The following CNBD1 variants were observed in gnomAD, a reference collection of about 807,000 sequenced individuals.
CNBD1 encodes the protein cyclic nucleotide-binding domain-containing protein 1.
CNBD1 carries 71 observed loss-of-function variants against 54.4 expected under a neutral mutation model. The observed-to-expected ratio is 1.30, with a 90% CI of 1.08 to 1.59. CNBD1 has a LOEUF of 1.59. CNBD1 is among the 40% of genes most tolerant of loss of function. CNBD1 has a pLI of 0.00. For synonymous variants in CNBD1, 182 were observed against 170.7 expected, an observed-to-expected ratio of 1.07 and a Z score of -0.51; for missense variants, 659 against 518.0, an observed-to-expected ratio of 1.27 and a Z score of -2.64.
At chr8:87,160,709 T>C (rs996588749) in intron 4 of CNBD1, among the ~76,000 whole-genome samples, 1 of 152,090 alleles carries the variant, frequency 6.6e-6, no homozygotes, top group Non-Finnish European at 1.5e-5. Context: ...CACTGAGTCT[T>C]GAACTAATAA....
At chr8:86,945,533 G>GC (rs1427304005) in intron 4 of CNBD1, among the ~76,000 whole-genome samples, 1 of 152,114 alleles carries the variant, frequency 6.6e-6, no homozygotes, top group Non-Finnish European at 1.5e-5. Context: ...ATATTTAAGG[G>GC]CTGCATGCTG....
At chr8:87,275,588 T>C (rs1015800972) in intron 6 of CNBD1, among the ~76,000 whole-genome samples, 1 of 151,566 alleles carries the variant, frequency 6.6e-6, no homozygotes, top group Non-Finnish European at 1.5e-5. Flanking sequence ...TAATAAGAGC[T>C]ATCTGTGACA....
intron 4 of CNBD1, among the ~76,000 whole-genome samples, chr8:87,029,958 C>T (rs1219699621): frequency 6.6e-6 from 1 of 152,032 alleles, no homozygotes; most frequent in African/African-American, 2.4e-5. Flanking sequence ...AATGAAGTCA[C>T]AAATATAGTC....
chr8:87,384,137 A>G (rs895138360), downstream of CNBD1, among the ~76,000 whole-genome samples: 10 of 152,228 alleles, frequency 6.6e-5, no homozygotes, highest in Middle Eastern at 3.4e-3. Flanking sequence ...TGAACATAAA[A>G]GGACAAGAAA....
intron 3 of CNBD1, among the ~76,000 whole-genome samples, chr8:86,908,804 G>GA (rs1554629470): frequency 2.9e-5 from 4 of 137,282 alleles, no homozygotes; most frequent in Admixed American, 7.5e-5. Context: ...TTTTTTTTGT[G>GA]CTGAGGGCAG....
At chr8:87,412,859 A>G (rs1210695360) in intron 2 of CNBD1, among the ~76,000 whole-genome samples, 1 of 152,080 alleles carries the variant, frequency 6.6e-6, no homozygotes, top group Non-Finnish European at 1.5e-5. Context: ...TGAGGCTCTT[A>G]TATAAGACAA....
intron 6 of CNBD1, among the ~76,000 whole-genome samples, chr8:87,248,702 C>G (rs1807855943): frequency 6.6e-6 from 1 of 152,166 alleles, no homozygotes; most frequent in African/African-American, 2.4e-5. Flanking sequence ...CTTTTAAATA[C>G]AACTTTCTTT....
chr8:87,421,509 A>C (rs1194507911), intron 2 of CNBD1, among the ~76,000 whole-genome samples: 2 of 145,780 alleles, frequency 1.4e-5, no homozygotes, highest in East Asian at 4.1e-4. Flanking sequence ...CCCACCTATG[A>C]GTGAGAATAT....
intron 4 of CNBD1, among the ~76,000 whole-genome samples, chr8:87,027,865 T>C (rs1809684791): frequency 6.6e-6 from 1 of 152,260 alleles, no homozygotes; most frequent in African/African-American, 2.4e-5. Context: ...ATCCAACTGC[T>C]GCAGCAACAA....
intron 1 of CNBD1, among the ~76,000 whole-genome samples, chr8:86,886,877 G>T (rs1808688137): frequency 6.6e-6 from 1 of 152,046 alleles, no homozygotes; most frequent in South Asian, 2.1e-4. Context: ...GCTATAATAT[G>T]CAATGCTCTA....
intron 4 of CNBD1, among the ~76,000 whole-genome samples, chr8:87,148,520 GA>G (rs1812535886): frequency 6.6e-6 from 1 of 152,176 alleles, no homozygotes; most frequent in African/African-American, 2.4e-5. Context: ...TGAAGAGGCA[GA>G]ATTAGATTTG....
chr8:87,248,045 A>T (rs193221190), intron 6 of CNBD1, among the ~76,000 whole-genome samples: 20 of 152,296 alleles, frequency 1.3e-4, no homozygotes, highest in African/African-American at 4.8e-4. Context: ...GTAATCATTC[A>T]AAGACTTTAA....
chr8:86,955,424 G>C (rs1001624636), intron 4 of CNBD1, among the ~76,000 whole-genome samples: 15 of 152,156 alleles, frequency 9.9e-5, no homozygotes, highest in Admixed American at 8.5e-4. Context: ...TTCCACCATG[G>C]TTGAACTAGT....
intron 3 of CNBD1, among the ~76,000 whole-genome samples, chr8:86,914,122 A>T (rs969353481): frequency 2.0e-5 from 3 of 152,282 alleles, no homozygotes; most frequent in Admixed American, 2.0e-4. Flanking sequence ...GTTCAAACAC[A>T]CATGCTTTAC....
chr8:87,207,111 A>G (rs1813992350), intron 5 of CNBD1, among the ~76,000 whole-genome samples: 1 of 152,206 alleles, frequency 6.6e-6, no homozygotes, highest in Admixed American at 6.5e-5. Context: ...AATAAATCAA[A>G]GGAATTTTAA....
At chr8:87,305,724 C>T (rs1029997861) in intron 8 of CNBD1, among the ~76,000 whole-genome samples, 2 of 152,124 alleles carry the variant, frequency 1.3e-5, no homozygotes. Context: ...TAAACTGGAT[C>T]CTCATCTCTC....
At chr8:86,903,865 ATTT>A (rs10708085) in intron 2 of CNBD1, among the ~76,000 whole-genome samples, 1 of 149,294 alleles carries the variant, frequency 6.7e-6, no homozygotes. Context: ...TACAAACAGA[ATTT>A]TTTTTTTTTT....
intron 2 of CNBD1, among the ~76,000 whole-genome samples, chr8:87,425,273 C>G (rs1429238571): frequency 6.6e-6 from 1 of 152,140 alleles, no homozygotes; most frequent in Non-Finnish European, 1.5e-5. Flanking sequence ...TGAATGTCCT[C>G]CCGTAGCTCA....
intron 8 of CNBD1, among the ~76,000 whole-genome samples, chr8:87,289,178 A>T (rs569867744): frequency 7.9e-4 from 121 of 152,242 alleles, no homozygotes; most frequent in Middle Eastern, 3.4e-3. Context: ...TGTACAGTGG[A>T]TAGGGTTTCA....
Sources: gnomAD v4.1 joint callset for allele counts (sites outside exome capture counted in the v4.1 genomes callset) on GRCh38, gnomAD v4.1.1 for gene constraint, MANE v1.5 for transcripts, NCBI Gene and HGNC (gene_info 2026-07-23, HGNC 2026-07-21) for gene names.